NEK4: variants seen among roughly 807,000 people sequenced by gnomAD.
The protein encoded by NEK4 is serine/threonine-protein kinase Nek4.
Under a neutral mutation model 98.4 loss-of-function variants are expected in NEK4, and 86 were observed. The observed-to-expected ratio is 0.87, with a 90% CI of 0.73 to 1.05. NEK4 has a LOEUF of 1.05. NEK4 is among the 50% of genes least tolerant of loss of function. The probability of loss-of-function intolerance (pLI) is 0.00; values close to 1 mark genes in which losing one functional copy is unlikely to be tolerated. For synonymous variants in NEK4, 328 were observed against 342.2 expected, an observed-to-expected ratio of 0.96 and a Z score of 0.46; for missense variants, 898 against 950.3, an observed-to-expected ratio of 0.94 and a Z score of 0.72.
At chr3:52,743,553 A>G in intron 11 of NEK4, 92 bp from the exon 12 acceptor site, 1 of 911,508 alleles carries the variant, frequency 1.1e-6, no homozygotes, top group Non-Finnish European at 1.8e-6. Context: ...CCCCAGCAGG[A>G]GCTAGCCCAA....
chr3:52,745,201 G>C (rs2097394005), intron 10 of NEK4, among the ~76,000 whole-genome samples: 2 of 151,914 alleles, frequency 1.3e-5, no homozygotes, highest in African/African-American at 4.8e-5. Context: ...TTACAGGCGT[G>C]AGCCACCGCA....
At chr3:52,727,528 T>C in intron 15 of NEK4, among the ~76,000 whole-genome samples, 1 of 152,080 alleles carries the variant, frequency 6.6e-6, no homozygotes, top group East Asian at 1.9e-4. Context: ...CAGGCTGGAG[T>C]GTGGTAGTGT....
chr3:52,732,572 G>C (rs1412397092), intron 15 of NEK4: 1 of 276,448 alleles, frequency 3.6e-6, no homozygotes, highest in Non-Finnish European at 7.5e-6. Flanking sequence ...AAGGAATCAG[G>C]AAAGACTCTT....
intron 15 of NEK4, among the ~76,000 whole-genome samples, chr3:52,734,097 C>T (rs2097372537): frequency 6.6e-6 from 1 of 152,130 alleles, no homozygotes; most frequent in Admixed American, 6.6e-5. Flanking sequence ...TAGTGGTTCA[C>T]ACCTGTAATC....
intron 15 of NEK4, among the ~76,000 whole-genome samples, chr3:52,728,984 A>T (rs7653028): frequency 0.44 from 66,488 of 151,544 alleles, 14,732 homozygotes; most frequent in Admixed American, 0.52. Context: ...TCGAACTGTG[A>T]TTTCTGTTGT....
chr3:52,712,893 G>A (rs899724038), intron 15 of NEK4, among the ~76,000 whole-genome samples: 4 of 152,108 alleles, frequency 2.6e-5, no homozygotes, highest in South Asian at 2.1e-4. Context: ...GTGTTCCTGC[G>A]AGGGTCTCCG....
chr3:52,716,380 T>C (rs1217282088), intron 15 of NEK4, among the ~76,000 whole-genome samples: 1 of 152,194 alleles, frequency 6.6e-6, no homozygotes, highest in South Asian at 2.1e-4. Flanking sequence ...CAAACCGAAA[T>C]TGAGCTGTCA....
rs1460594882 is a variant in NEK4, at chr3:52,711,701, C to T, written c.*76G>A. On this transcript the variant is annotated 3_prime_UTR_variant, in exon 16 of 16. Coordinates refer to ENST00000233027, the MANE Select transcript of NEK4 (RefSeq NM_003157.6). ...ACAGTGGTGAGTGGCTTCCAAATGA[C>T]TGTTTGCCCTTGCTTTTTAAGCCAA... 2 of 848,318 alleles carry T rather than the reference C, an allele frequency of 2.4e-6. No individual in the cohort carries two copies. Among genetic ancestry groups the T allele is most frequent in the African/African-American group, 1.7e-5 (1 of 59,522 alleles). 52.5% of individuals were successfully genotyped at this position (848,318 alleles called of 1,614,324 possible).
At chr3:52,713,945 C>T (rs1369863742) in intron 15 of NEK4, among the ~76,000 whole-genome samples, 1 of 152,170 alleles carries the variant, frequency 6.6e-6, no homozygotes, top group Admixed American at 6.5e-5. Context: ...CCTCCCACCA[C>T]CCTCAGTGGC....
chr3:52,763,226 A>G (rs1165885526), intron 5 of NEK4, among the ~76,000 whole-genome samples: 1 of 152,208 alleles, frequency 6.6e-6, no homozygotes, highest in Non-Finnish European at 1.5e-5. Flanking sequence ...GTGTCACATA[A>G]AACTTATTCA....
intron 4 of NEK4, 139 bp from the exon 5 acceptor site, chr3:52,763,763 G>A: frequency 1.7e-6 from 1 of 576,430 alleles, no homozygotes; most frequent in Non-Finnish European, 2.9e-6. Flanking sequence ...TCTACAGGAA[G>A]TGTACTGGTA....
chr3:52,727,905 G>T (rs2097366046), intron 15 of NEK4, among the ~76,000 whole-genome samples: 1 of 152,126 alleles, frequency 6.6e-6, no homozygotes, highest in Non-Finnish European at 1.5e-5. Flanking sequence ...GTGCTAAGGG[G>T]GGAATTTATA....
rs745597302 is a variant in NEK4, at chr3:52,746,839, G to A, written c.1572C>T (p.His524=). 6.2e-7 allele frequency: 1 copy of A among 1,613,780 alleles called. No homozygotes were observed. The highest frequency in any genetic ancestry group is 2.2e-5 in the East Asian group (1 of 44,870). Residue 524 remains histidine (H), a synonymous_variant, in exon 9 of 16, where the codon CAC becomes CAT. Coordinates refer to ENST00000233027, the MANE Select transcript of NEK4 (RefSeq NM_003157.6). ...QGRIHPDLQP[H]NSGSEPSLSR... Reference sequence around the variant, plus strand: ...ACAGGGAAGGTTCAGACCCAGAGTTGTGTGGCTGTAAATCTGGGTGGATTC... The same window carrying A: ...ACAGGGAAGGTTCAGACCCAGAGTTATGTGGCTGTAAATCTGGGTGGATTC...
rs140762033 is a variant in NEK4 at position 52,718,451 on chromosome 3, C to T, written c.2434-6582G>A. ...TCATGCCACTGCACTCCAGCCTGGG[C>T]GACAGAGTAAGACTCCGTCTCAAAA... On this transcript the variant is annotated intron_variant, in intron 15 of 15. Transcript: ENST00000233027. 3.7e-3 allele frequency among the ~76,000 whole-genome samples: 489 copies of T among 130,876 alleles called. 4 individuals are homozygous for T. The highest frequency in any genetic ancestry group is 0.013 in the African/African-American group (454 of 34,486). 85.9% of individuals were successfully genotyped at this position (130,876 alleles called of 152,430 possible). A position where few individuals can be genotyped will look rare whatever the true frequency, so the allele number is the denominator to read the frequency against.
rs539079017 is a variant in NEK4 at position 52,750,575 on chromosome 3, C to CACACACAT, written c.1369-754_1369-747dup. Reference sequence around the variant, plus strand: ...AAAAATACATATATGTGTGTGTATACACACACATGCACACACACACAGGCA... The same window carrying CACACACAT: ...AAAAATACATATATGTGTGTGTATACACACACATACACACATGCACACACACACAGGCA... On this transcript the variant is annotated intron_variant, in intron 7 of 15. Transcript: ENST00000233027. 1.0e-3 allele frequency among the ~76,000 whole-genome samples: 155 copies of CACACACAT among 152,130 alleles called. 1 individual carries two copies. Among genetic ancestry groups the CACACACAT allele is most frequent in the African/African-American group, 3.6e-3 (151 of 41,508 alleles).
At chr3:52,742,474 G>C (rs1034220022) in intron 12 of NEK4, among the ~76,000 whole-genome samples, 2 of 152,096 alleles carry the variant, frequency 1.3e-5, no homozygotes, top group Non-Finnish European at 2.9e-5. Context: ...CTCTATTAGT[G>C]AAATAACTAA....
At chr3:52,725,247 C>T (rs941678880) in intron 15 of NEK4, among the ~76,000 whole-genome samples, 1 of 152,206 alleles carries the variant, frequency 6.6e-6, no homozygotes, top group African/African-American at 2.4e-5. Context: ...CGCTGCGGCT[C>T]ACGCCTGTAA....
chr3:52,716,654 G>C (rs1420785134), intron 15 of NEK4, among the ~76,000 whole-genome samples: 1 of 151,922 alleles, frequency 6.6e-6, no homozygotes, highest in Non-Finnish European at 1.5e-5. Context: ...AATCTCCTCT[G>C]CTTCACTCAT....
At chr3:52,716,493 A>G (rs2097355270) in intron 15 of NEK4, among the ~76,000 whole-genome samples, 2 of 152,146 alleles carry the variant, frequency 1.3e-5, no homozygotes, top group African/African-American at 4.8e-5. Context: ...GATGTTAACC[A>G]ATCAGCTTAT....
Sources: gnomAD v4.1 joint callset for allele counts (sites outside exome capture counted in the v4.1 genomes callset) on GRCh38, gnomAD v4.1.1 for gene constraint, MANE v1.5 for transcripts, NCBI Gene and HGNC (gene_info 2026-07-23, HGNC 2026-07-21) for gene names.